MYO10: variants seen among roughly 807,000 people sequenced by gnomAD.
MYO10 encodes unconventional myosin-X.
A neutral mutation model predicts 257.3 loss-of-function variants in MYO10; 133 were observed. The ratio of observed to expected loss-of-function variants is 0.52; its 90% CI spans 0.45 to 0.60. The LOEUF (loss-of-function observed/expected upper bound fraction) is 0.60. Among genes scored for constraint, MYO10 ranks in the 20% least tolerant of loss-of-function variants. The pLI is 0.00. For missense variants in MYO10, 2,399 were observed against 2,635.7 expected (o/e 0.91, Z 1.97); for synonymous variants, 1,104 against 1,028.6 (o/e 1.07, Z -1.40).
At chr5:16,850,942 GCAC>G (rs1743785539) in intron 2 of MYO10, among the ~76,000 whole-genome samples, 2 of 152,012 alleles carry the variant, frequency 1.3e-5, no homozygotes, top group Non-Finnish European at 2.9e-5. Flanking sequence ...CTACAGGCAT[GCAC>G]CACCATGCCC....
At chr5:16,815,739 G>GTAT (rs1323212718) in intron 3 of MYO10, among the ~76,000 whole-genome samples, 1 of 152,148 alleles carries the variant, frequency 6.6e-6, no homozygotes, top group African/African-American at 2.4e-5. Context: ...CTATGCAGTG[G>GTAT]TATTCTATGG....
intron 2 of MYO10, among the ~76,000 whole-genome samples, chr5:16,864,648 T>G (rs958571683): frequency 6.6e-6 from 1 of 152,208 alleles, no homozygotes; most frequent in Non-Finnish European, 1.5e-5. Flanking sequence ...AAATGAGCTT[T>G]CTGTGCAGAT....
At chr5:16,712,217 A>G (rs1156782177) in intron 19 of MYO10, among the ~76,000 whole-genome samples, 1 of 152,188 alleles carries the variant, frequency 6.6e-6, no homozygotes, top group Non-Finnish European at 1.5e-5. Flanking sequence ...TCAAATACTT[A>G]TTTATTGAGA....
intron 4 of MYO10, 75 bp downstream of exon 4, chr5:16,794,571 A>C (rs752933517): frequency 4.3e-6 from 6 of 1,388,484 alleles, no homozygotes; most frequent in Non-Finnish European, 5.8e-6. Context: ...TAATGCCCTA[A>C]GGAGGCTGGG....
chr5:16,895,400 A>C (rs1745188466), intron 1 of MYO10, among the ~76,000 whole-genome samples: 1 of 152,166 alleles, frequency 6.6e-6, no homozygotes, highest in Non-Finnish European at 1.5e-5. Flanking sequence ...GAGGCAGCTC[A>C]CCGGAGGCTC....
chr5:16,847,489 T>C (rs1339603526), intron 2 of MYO10, among the ~76,000 whole-genome samples: 1 of 151,834 alleles, frequency 6.6e-6, no homozygotes, highest in African/African-American at 2.4e-5. Context: ...TCCCAGCACT[T>C]TGGGAGGCTG....
At chr5:16,869,110 C>T (rs79501892) in intron 2 of MYO10, among the ~76,000 whole-genome samples, 14,539 of 151,898 alleles carry the variant, frequency 0.096, 750 homozygotes, top group South Asian at 0.17. Flanking sequence ...CTGCAAGCTC[C>T]GTCTCCCAGG....
chr5:16,672,541 C>CA, intron 37 of MYO10, 148 bp downstream of exon 37: 1 of 881,132 alleles, frequency 1.1e-6, no homozygotes, highest in East Asian at 2.7e-5. Context: ...AGCGGATATG[C>CA]AAAGTTAAAC....
intron 1 of MYO10, among the ~76,000 whole-genome samples, chr5:16,929,547 G>C (rs1746239970): frequency 1.3e-5 from 2 of 152,160 alleles, no homozygotes; most frequent in Non-Finnish European, 1.5e-5. Context: ...GTGACACTGA[G>C]TCAGTTACTT....
intron 19 of MYO10, among the ~76,000 whole-genome samples, chr5:16,722,647 T>C (rs1218945550): frequency 6.6e-6 from 1 of 152,248 alleles, no homozygotes; most frequent in Admixed American, 6.5e-5. Flanking sequence ...TGCAAAGATA[T>C]AATCTAGATG....
chr5:16,922,677 A>T (rs1197101845), intron 1 of MYO10, among the ~76,000 whole-genome samples: 1 of 152,060 alleles, frequency 6.6e-6, no homozygotes, highest in Non-Finnish European at 1.5e-5. Context: ...TATCTACTCT[A>T]GGGTTGTAGT....
chr5:16,844,002 G>A (rs1056709464), intron 2 of MYO10, among the ~76,000 whole-genome samples: 4 of 152,032 alleles, frequency 2.6e-5, no homozygotes, highest in African/African-American at 7.2e-5. Context: ...AGATTGACAC[G>A]CTGCAAGTGG....
chr5:16,696,595 C>T (rs1246174457), intron 26 of MYO10, among the ~76,000 whole-genome samples: 1 of 66,574 alleles, frequency 1.5e-5, no homozygotes, highest in Non-Finnish European at 3.1e-5. Flanking sequence ...TGGTGTCTCA[C>T]GCCTGTAATC....
In MYO10 at chr5:16,681,962, G is replaced by T. The variant is rs189624854; in HGVS notation, c.4098C>A (p.Ala1366=). Residue 1366 remains alanine (A), a synonymous_variant, in exon 31 of 41, where the codon GCC becomes GCA. Transcript: ENST00000513610. ...AGTGGTGCATCTCCTCCGGCGTGTC[G>T]GCGTTGCAGTGCAGCACCCGGTTGG... ...ITANRVLHCN[A]DTPEEMHHWI... is the part of the protein sequence containing the mutation. 4.3e-6 allele frequency: 7 copies of T among 1,613,810 alleles called. No homozygotes were observed. The highest frequency in any genetic ancestry group is 1.7e-5 in the Admixed American group (1 of 60,004).
At chr5:16,677,072 C>T (rs925450988) in intron 33 of MYO10, among the ~76,000 whole-genome samples, 14 of 152,052 alleles carry the variant, frequency 9.2e-5, no homozygotes, top group African/African-American at 4.8e-5. Context: ...AAGTCTTTCA[C>T]GGAATTTCTT....
intron 11 of MYO10, among the ~76,000 whole-genome samples, chr5:16,765,809 G>A (rs1434288959): frequency 6.6e-6 from 1 of 152,144 alleles, no homozygotes; most frequent in African/African-American, 2.4e-5. Context: ...AAGTAGAAGG[G>A]TCAAGTTCAA....
chr5:16,733,616 T>C (rs1739673242), intron 19 of MYO10, among the ~76,000 whole-genome samples: 1 of 151,812 alleles, frequency 6.6e-6, no homozygotes, highest in Non-Finnish European at 1.5e-5. Context: ...AGTCCTTTTC[T>C]TGCTTATTCA....
chr5:16,893,503 G>A (rs1745129495), intron 1 of MYO10, among the ~76,000 whole-genome samples: 1 of 151,772 alleles, frequency 6.6e-6, no homozygotes. Flanking sequence ...GTGTGGTGGT[G>A]CATGCCTGTA....
chr5:16,904,615 C>G (rs1745470677), intron 1 of MYO10, among the ~76,000 whole-genome samples: 1 of 152,206 alleles, frequency 6.6e-6, no homozygotes, highest in Non-Finnish European at 1.5e-5. Context: ...AACCCCTCAC[C>G]CCACAACATC....
Sources: gnomAD v4.1 joint callset for allele counts (sites outside exome capture counted in the v4.1 genomes callset) on GRCh38, gnomAD v4.1.1 for gene constraint, MANE v1.5 for transcripts, NCBI Gene and HGNC (gene_info 2026-07-23, HGNC 2026-07-21) for gene names.